TMEM106B: variants seen among roughly 807,000 people sequenced by gnomAD.
TMEM106B encodes transmembrane protein 106B.
In TMEM106B, 15 loss-of-function variants were observed where a neutral mutation model predicts 31.1. That is an observed-to-expected ratio of 0.48 (90% CI 0.32 to 0.74). The LOEUF (loss-of-function observed/expected upper bound fraction) is 0.74, where lower values mean the gene tolerates loss of function less well. Ranked by LOEUF, TMEM106B falls within the 30% of genes least tolerant of loss-of-function variation. The pLI, the probability that TMEM106B is intolerant of heterozygous loss-of-function variation, is 0.03. For synonymous variants in TMEM106B, 126 were observed against 112.5 expected (o/e 1.12, Z -0.76); for missense variants, 283 against 327.3 (o/e 0.86, Z 1.04).
rs1782049789 is a variant in TMEM106B at position 12,232,727 on chromosome 7, T to G, written c.*752T>G. ...CTGTAAATAAACTGTGCATGGCTTT[T>G]ATACAGCTTTAGTAAATGTCAAATA... On this transcript the variant is annotated 3_prime_UTR_variant, in exon 8 of 8. Transcript: ENST00000396668. The G allele has an allele frequency of 6.6e-6, 1 of 152,352 alleles. No individual in the cohort carries two copies. Among genetic ancestry groups the G allele is most frequent in the Admixed American group, 6.6e-5 (1 of 15,244 alleles). The allele number at this position is 152,352 out of a possible 1,614,324, so 9.4% of individuals were successfully genotyped here. A position where few individuals can be genotyped will look rare whatever the true frequency, so the allele number is the denominator to read the frequency against.
In TMEM106B at chr7:12,242,701, A is replaced by G. The variant is rs1389531857; in HGVS notation, c.*10726A>G. The G allele has an allele frequency of 6.6e-6, 1 of 152,136 alleles. No homozygotes were observed. The highest frequency in any genetic ancestry group is 2.4e-5 in the African/African-American group (1 of 41,432). The allele number at this position is 152,136 out of a possible 1,614,324, so 9.4% of individuals were successfully genotyped here. ...AATATTTATGTCATTTGTCACACATACTTTCAAAACATAACCTTCTTCAAC... is the reference window on the plus strand; with the variant it reads ...AATATTTATGTCATTTGTCACACATGCTTTCAAAACATAACCTTCTTCAAC... On this transcript the variant is annotated 3_prime_UTR_variant, in exon 8 of 8. Coordinates refer to ENST00000396668, the MANE Select transcript of TMEM106B (RefSeq NM_001134232.2).
At chr7:12,225,699 C>T (rs1003108155) in intron 4 of TMEM106B, among the ~76,000 whole-genome samples, 4 of 152,050 alleles carry the variant, frequency 2.6e-5, no homozygotes, top group African/African-American at 7.2e-5. Flanking sequence ...TATCCTTCGC[C>T]CACTTTTTGA....
At position 12,237,855 on chromosome 7, in the gene TMEM106B, A is replaced by ACT. The variant is rs1169044616; in HGVS notation, c.*5881_*5882dup. The ACT allele has an allele frequency of 2.0e-5, 3 of 148,212 alleles. No individual in the cohort carries two copies. The highest frequency in any genetic ancestry group is 3.0e-5 in the Non-Finnish European group (2 of 66,918). The allele number at this position is 148,212 out of a possible 1,614,324, so 9.2% of individuals were successfully genotyped here. The stretch of plus-strand genomic sequence containing the variant: ...CACACACACACACACACACACACAC[A>ACT]CTATTGCTAAAAAATGTTAACGATC... On this transcript the variant is annotated 3_prime_UTR_variant, in exon 8 of 8. Transcript: ENST00000396668.
At chr7:12,218,542 G>A in intron 3 of TMEM106B, 21 bp downstream of exon 3, 1 of 1,588,908 alleles carries the variant, frequency 6.3e-7, no homozygotes, top group Non-Finnish European at 8.6e-7. Context: ...CTAAGAATAT[G>A]GCAGTGTTTT....
intron 1 of TMEM106B, among the ~76,000 whole-genome samples, chr7:12,212,185 G>C (rs186830633): frequency 3.5e-4 from 53 of 152,296 alleles, no homozygotes; most frequent in Non-Finnish European, 6.6e-4. Flanking sequence ...GGCTCAAACG[G>C]AGAGCCACTT....
rs1431334772 is a variant in TMEM106B at position 12,233,450 on chromosome 7, A to T, written c.*1475A>T. The T allele has an allele frequency of 2.6e-5, 4 of 151,654 alleles. No homozygotes were observed. The highest frequency in any genetic ancestry group is 5.9e-5 in the Non-Finnish European group (4 of 67,668). The allele number at this position is 151,654 out of a possible 1,614,324, so 9.4% of individuals were successfully genotyped here. On this transcript the variant is annotated 3_prime_UTR_variant, in exon 8 of 8. Transcript: ENST00000396668. ...GTTTATTAGTCTGACTCTCTCAACC[A>T]TAAAACATAAGCTTTATTTAATTCT...
intron 3 of TMEM106B, among the ~76,000 whole-genome samples, chr7:12,221,390 T>C (rs1204189018): frequency 6.6e-6 from 1 of 152,176 alleles, no homozygotes; most frequent in Non-Finnish European, 1.5e-5. Flanking sequence ...AATTTTATAC[T>C]TAAATAAGTT....
chr7:12,229,710 A>G lies in TMEM106B; in HGVS notation c.473A>G (p.Tyr158Cys). 2.5e-6 allele frequency: 4 copies of G among 1,611,810 alleles called. No individual in the cohort carries two copies. The highest frequency in any genetic ancestry group is 3.4e-6 in the Non-Finnish European group (4 of 1,179,282). Residue 158 changes from tyrosine (Y) to cysteine (C), a missense_variant, in exon 5 of 8, where the codon TAC becomes TGC. By Grantham distance (194) the Tyr-to-Cys change is radical (BLOSUM62 -2). This residue lies in a region of TMEM106B where 201 missense variants were observed against 211.5 expected (regional missense o/e 0.95). Transcript: ENST00000396668. ...NTLNITNNNYYSVEVENITAQ... is the reference protein window; with the variant it reads ...NTLNITNNNYCSVEVENITAQ... ...CTAAATATAACAAACAATAACTATTACTCTGTCGAAGTTGAAAACATCACT... is the reference window on the plus strand; with the variant it reads ...CTAAATATAACAAACAATAACTATTGCTCTGTCGAAGTTGAAAACATCACT...
intron 2 of TMEM106B, 60 bp downstream of exon 2, chr7:12,215,087 A>C: frequency 6.8e-7 from 1 of 1,479,252 alleles, no homozygotes; most frequent in South Asian, 1.3e-5. Context: ...CAAGTATTAT[A>C]AAAACTGTGG....
chr7:12,218,766 A>G (rs1251710454), intron 3 of TMEM106B, among the ~76,000 whole-genome samples: 1 of 152,132 alleles, frequency 6.6e-6, no homozygotes, highest in African/African-American at 2.4e-5. Context: ...CTAGAATAGC[A>G]GTACAAACAC....
rs1052743855 is a variant in TMEM106B at position 12,232,265 on chromosome 7, A to C, written c.*290A>C. On this transcript the variant is annotated 3_prime_UTR_variant, in exon 8 of 8. Transcript: ENST00000396668. ...TACTTCCCCTATAGTACAATAAATA[A>C]TTATTTAAAAGTCATAGCTCCAGTC... The C allele has an allele frequency of 2.1e-5, 4 of 193,816 alleles. No individual in the cohort carries two copies. Among genetic ancestry groups the C allele is most frequent in the African/African-American group, 9.3e-5 (4 of 43,196 alleles). The allele number at this position is 193,816 out of a possible 1,614,324, so 12.0% of individuals were successfully genotyped here.
At position 12,237,630 on chromosome 7, in the gene TMEM106B, A is replaced by G. The variant is rs534722870; in HGVS notation, c.*5655A>G. On this transcript the variant is annotated 3_prime_UTR_variant, in exon 8 of 8. Coordinates refer to ENST00000396668, the MANE Select transcript of TMEM106B (RefSeq NM_001134232.2). ...TTATGTTTACATCATACTGTAGTCT[A>G]TTAAGTGTGCAATAGCATTATGTCG... is the stretch of plus-strand genomic sequence containing the variant. 1 of 152,086 alleles carries G rather than the reference A, an allele frequency of 6.6e-6. No individual in the cohort carries two copies. Among genetic ancestry groups the G allele is most frequent in the Non-Finnish European group, 1.5e-5 (1 of 68,012 alleles). 9.4% of individuals were successfully genotyped at this position (152,086 alleles called of 1,614,324 possible).
chr7:12,218,239 CTTT>C (rs11291359), intron 2 of TMEM106B, among the ~76,000 whole-genome samples: 14 of 133,336 alleles, frequency 1.0e-4, no homozygotes, highest in Admixed American at 2.2e-4. Context: ...ATTTGTTATA[CTTT>C]TTTTTTTTTT....
intron 1 of TMEM106B, 37 bp from the exon 2 acceptor site, chr7:12,214,771 TC>T: frequency 6.7e-7 from 1 of 1,501,316 alleles, no homozygotes; most frequent in Non-Finnish European, 9.0e-7. Context: ...TGTACTTTTT[TC>T]CCTGAAGTTT....
chr7:12,230,341 T>C (rs1330697127), intron 5 of TMEM106B, 48 bp from the exon 6 acceptor site: 2 of 1,306,150 alleles, frequency 1.5e-6, no homozygotes, highest in Non-Finnish European at 2.2e-6. Context: ...CTGAAATGTT[T>C]GATGTTTTGA....
intron 1 of TMEM106B, among the ~76,000 whole-genome samples, chr7:12,212,288 C>A (rs1361040886): frequency 6.6e-6 from 1 of 152,024 alleles, no homozygotes; most frequent in Non-Finnish European, 1.5e-5. Flanking sequence ...AGAAAGAGTG[C>A]CCTTAAGGCC....
In TMEM106B at chr7:12,224,300, G is replaced by A. The variant is rs145982632; in HGVS notation, c.356G>A (p.Arg119His). The A allele has an allele frequency of 2.7e-5, 44 of 1,613,548 alleles. No homozygotes were observed. Among genetic ancestry groups the A allele is most frequent in the Middle Eastern group, 1.6e-4 (1 of 6,082 alleles). Residue 119 changes from arginine (R) to histidine (H), a missense_variant, in exon 4 of 8, where the codon CGC (arginine) becomes CAC (histidine). By Grantham distance (29) the Arg-to-His change is conservative. Around this residue, in one of 3 missense-constraint regions of TMEM106B, gnomAD observed 201 missense variants for 211.5 expected, o/e 0.95. Coordinates refer to ENST00000396668, the MANE Select transcript of TMEM106B (RefSeq NM_001134232.2). ...TTGGCTGTGTTTTTCCTTTTCCCTCGCTCTATCGACGTGAAATACATTGGT... is the reference window on the plus strand; with the variant it reads ...TTGGCTGTGTTTTTCCTTTTCCCTCACTCTATCGACGTGAAATACATTGGT... The part of the protein sequence containing the change: ...SGLAVFFLFP[R>H]SIDVKYIGVK...
At chr7:12,216,684 T>C (rs896890775) in intron 2 of TMEM106B, among the ~76,000 whole-genome samples, 1 of 152,084 alleles carries the variant, frequency 6.6e-6, no homozygotes, top group Non-Finnish European at 1.5e-5. Context: ...CAAAGGACCC[T>C]GAGAAAGAAA....
chr7:12,216,479 A>AT (rs1327681464), intron 2 of TMEM106B, among the ~76,000 whole-genome samples: 2 of 152,134 alleles, frequency 1.3e-5, no homozygotes, highest in Non-Finnish European at 2.9e-5. Flanking sequence ...GTGGAAGTGG[A>AT]TATGTTCATT....
Sources: allele counts gnomAD v4.1 joint callset (sites outside exome capture counted in the v4.1 genomes callset), GRCh38; gene constraint gnomAD v4.1.1; regional missense constraint gnomAD v4.1.1; transcripts MANE v1.5; gene names NCBI Gene and HGNC (gene_info 2026-07-23, HGNC 2026-07-21).